The following MPP7 variants were observed in gnomAD, a reference collection of about 807,000 sequenced individuals.
The protein encoded by MPP7 is MAGUK p55 scaffold protein 7.
Under a neutral mutation model 76.5 loss-of-function variants are expected in MPP7, and 60 were observed. The observed-to-expected ratio is 0.78, with a 90% confidence interval of 0.64 to 0.97. MPP7 has a LOEUF of 0.97. MPP7 is among the 50% of genes least tolerant of loss of function. The pLI is 0.00. For synonymous variants in MPP7, 237 were observed against 244.5 expected (o/e 0.97, Z 0.29); for missense variants, 641 against 694.0 (o/e 0.92, Z 0.86).
chr10:28,184,360 T>G (rs894356176), intron 3 of MPP7, among the ~76,000 whole-genome samples: 6 of 148,256 alleles, frequency 4.0e-5, no homozygotes, highest in African/African-American at 1.5e-4. Flanking sequence ...TCTTAATATA[T>G]TATTATGATA....
chr10:28,055,173 T>C (rs1039522720), intron 16 of MPP7, among the ~76,000 whole-genome samples: 6 of 152,244 alleles, frequency 3.9e-5, no homozygotes, highest in Non-Finnish European at 7.3e-5. Flanking sequence ...AATCTTTATG[T>C]TGCAACATGC....
At chr10:28,059,455 A>C in intron 14 of MPP7, 195 bp downstream of exon 14, 1 of 491,084 alleles carries the variant, frequency 2.0e-6, no homozygotes, top group Non-Finnish European at 3.6e-6. Context: ...AAATGAAGCA[A>C]ATCCAGGTTA....
At chr10:28,091,244 T>C (rs1853284191) in intron 11 of MPP7, among the ~76,000 whole-genome samples, 1 of 152,076 alleles carries the variant, frequency 6.6e-6, no homozygotes, top group Non-Finnish European at 1.5e-5. Flanking sequence ...TAAAAATACA[T>C]TCTCTTCAAA....
At chr10:28,242,907 A>C (rs1839316306) in intron 1 of MPP7, among the ~76,000 whole-genome samples, 1 of 152,190 alleles carries the variant, frequency 6.6e-6, no homozygotes, top group African/African-American at 2.4e-5. Context: ...ATGAAGCAGT[A>C]AAAATTAATA....
chr10:28,321,748 C>T (rs552033239), intron 2 of MPP7, among the ~76,000 whole-genome samples: 226 of 152,158 alleles, frequency 1.5e-3, no homozygotes, highest in Middle Eastern at 3.4e-3. Flanking sequence ...CCACACCCGG[C>T]TAATTTTTAT....
At chr10:28,319,569 G>A (rs1834348438) in intron 2 of MPP7, among the ~76,000 whole-genome samples, 1 of 152,046 alleles carries the variant, frequency 6.6e-6, no homozygotes, top group Non-Finnish European at 1.5e-5. Context: ...GAGAGAGAGA[G>A]AGATGATATA....
At chr10:28,088,598 TAA>T in intron 12 of MPP7, among the ~76,000 whole-genome samples, 2 of 152,288 alleles carry the variant, frequency 1.3e-5, no homozygotes, top group Middle Eastern at 6.8e-3. Flanking sequence ...CTTTTCTTCA[TAA>T]ATTACCCAGT....
At chr10:28,218,966 C>T (rs1288642725) in intron 2 of MPP7, among the ~76,000 whole-genome samples, 1 of 152,140 alleles carries the variant, frequency 6.6e-6, no homozygotes, top group Non-Finnish European at 1.5e-5. Flanking sequence ...TCAAGAAATA[C>T]ATCTATGCCA....
chr10:28,122,281 C>T (rs1435555385), intron 8 of MPP7, among the ~76,000 whole-genome samples: 2 of 152,082 alleles, frequency 1.3e-5, no homozygotes, highest in African/African-American at 2.4e-5. Context: ...ACTATTACTG[C>T]TGAGCCATAT....
chr10:28,118,965 C>G lies in MPP7; in HGVS notation c.952+686G>C, dbSNP rs111383994. The G allele has an allele frequency of 2.9e-5, 29 of 985,236 alleles. No individual in the cohort carries two copies. In the African/African-American group the frequency reaches 4.2e-4, roughly 14 times the overall value. The allele number at this position is 985,236 out of a possible 1,614,324, so 61.0% of individuals were successfully genotyped here. On this transcript the variant is annotated intron_variant, in intron 11 of 16. Coordinates refer to ENST00000683449, the MANE Select transcript of MPP7 (RefSeq NM_001318170.2). ...TTTTTCCTCTTAAAATACCTAGAAC[C>G]ATGAAACATCTAGGCGAGGTGGAAC...
intron 2 of MPP7, among the ~76,000 whole-genome samples, chr10:28,232,239 A>G (rs906959480): frequency 1.3e-5 from 2 of 152,024 alleles, no homozygotes; most frequent in Admixed American, 1.3e-4. Context: ...GCATGCGCCT[A>G]AAGTCCTAGC....
intron 2 of MPP7, among the ~76,000 whole-genome samples, chr10:28,326,399 G>A (rs181235925): frequency 2.3e-4 from 35 of 152,228 alleles, no homozygotes; most frequent in African/African-American, 4.8e-4. Context: ...CAGAGGTGTG[G>A]GTACGACATT....
intron 1 of MPP7, among the ~76,000 whole-genome samples, chr10:28,270,191 CG>C (rs1840277046): frequency 6.6e-6 from 1 of 152,006 alleles, no homozygotes; most frequent in African/African-American, 2.4e-5. Context: ...CCTTACGGAA[CG>C]GGAAGATTTT....
At chr10:28,289,739 G>C (rs989564347) in intron 1 of MPP7, among the ~76,000 whole-genome samples, 7 of 152,122 alleles carry the variant, frequency 4.6e-5, no homozygotes, top group African/African-American at 1.4e-4. Flanking sequence ...TAGGGGCAGG[G>C]GCAAGAGCAG....
At chr10:28,318,599 C>G (rs1834341111) in intron 2 of MPP7, among the ~76,000 whole-genome samples, 1 of 152,088 alleles carries the variant, frequency 6.6e-6, no homozygotes, top group South Asian at 2.1e-4. Flanking sequence ...GCAGGAGAAT[C>G]ACTTGAACCT....
chr10:28,270,624 T>C (rs976820122), intron 1 of MPP7, among the ~76,000 whole-genome samples: 5 of 151,906 alleles, frequency 3.3e-5, no homozygotes, highest in African/African-American at 1.2e-4. Flanking sequence ...CAGTTCTATC[T>C]GCAGCGCCTG....
intron 2 of MPP7, among the ~76,000 whole-genome samples, chr10:28,228,811 T>C (rs961559085): frequency 6.6e-6 from 1 of 151,838 alleles, no homozygotes; most frequent in Non-Finnish European, 1.5e-5. Flanking sequence ...TTGCTTCTTA[T>C]AAAAATCATC....
chr10:28,058,450 A>G, intron 15 of MPP7, 45 bp downstream of exon 15: 1 of 1,039,130 alleles, frequency 9.6e-7, no homozygotes, highest in South Asian at 1.7e-5. Context: ...GGTGCTGTAG[A>G]TGACATGGGT....
rs1396167722 is a variant in MPP7, at chr10:28,257,475, C to CTATCAAATCA, written c.-131-18741_-131-18740insTGATTTGATA. Among the ~76,000 whole-genome samples, 127 of 151,484 alleles carry CTATCAAATCA rather than the reference C, an allele frequency of 8.4e-4. 2 individuals are homozygous for CTATCAAATCA. Among genetic ancestry groups the CTATCAAATCA allele is most frequent in the African/African-American group, 2.8e-3 (116 of 41,322 alleles). On this transcript the variant is annotated intron_variant, in intron 1 of 16. Coordinates refer to ENST00000683449, the MANE Select transcript of MPP7 (RefSeq NM_001318170.2). The stretch of plus-strand genomic sequence containing the variant: ...ATGGATGAAATTGGAAATCATCATT[C>CTATCAAATCA]TCAGTAAACTATCGCAAGAACAAAA...
Sources: gnomAD v4.1 joint callset for allele counts (sites outside exome capture counted in the v4.1 genomes callset) on GRCh38, gnomAD v4.1.1 for gene constraint, MANE v1.5 for transcripts, NCBI Gene and HGNC (gene_info 2026-07-23, HGNC 2026-07-21) for gene names.